The following ARHGEF18 variants were observed in gnomAD, a reference collection of about 807,000 sequenced individuals.
The protein encoded by ARHGEF18 is rho guanine nucleotide exchange factor 18.
ARHGEF18 carries 93 observed loss-of-function variants against 155.7 expected under a neutral mutation model. The ratio of observed to expected loss-of-function variants is 0.60; its 90% CI spans 0.50 to 0.71. ARHGEF18 has a LOEUF of 0.71. ARHGEF18 is among the 30% of genes least tolerant of loss of function. The pLI, the probability that ARHGEF18 is intolerant of heterozygous loss-of-function variation, is 0.00. For missense variants in ARHGEF18, 1,593 were observed against 1,816.1 expected, an observed-to-expected ratio of 0.88 and a Z score of 2.23; for synonymous variants, 742 against 753.1, an observed-to-expected ratio of 0.99 and a Z score of 0.24.
At chr19:7,377,521 C>T (rs2145422953) in intron 5 of ARHGEF18, among the ~76,000 whole-genome samples, 1 of 152,230 alleles carries the variant, frequency 6.6e-6, no homozygotes, top group African/African-American at 2.4e-5. Flanking sequence ...CAGCAGCTCA[C>T]ACCTGGAATC....
At chr19:7,427,700 C>A (rs1973742244) in intron 10 of ARHGEF18, among the ~76,000 whole-genome samples, 1 of 150,428 alleles carries the variant, frequency 6.6e-6, no homozygotes, top group African/African-American at 2.4e-5. Context: ...AACCCCAGCA[C>A]TTTGGGAGGC....
At chr19:7,375,288 A>AAG (rs1970388086) in intron 3 of ARHGEF18, among the ~76,000 whole-genome samples, 1 of 98,970 alleles carries the variant, frequency 1.0e-5, no homozygotes, top group Non-Finnish European at 2.5e-5. Context: ...AAAAAAAGAA[A>AAG]GAAAAGAAAG....
At chr19:7,357,462 G>A (rs975973408) in intron 1 of ARHGEF18, among the ~76,000 whole-genome samples, 1 of 152,184 alleles carries the variant, frequency 6.6e-6, no homozygotes, top group African/African-American at 2.4e-5. Flanking sequence ...TATGGCTGAT[G>A]CTGTGGGGGC....
chr19:7,414,680 G>A (rs11879276), intron 10 of ARHGEF18, among the ~76,000 whole-genome samples: 83,913 of 151,656 alleles, frequency 0.55, 23,633 homozygotes, highest in Middle Eastern at 0.75. Context: ...ATGGTGGTGC[G>A]TGCCTGTGAT....
In ARHGEF18 at chr19:7,471,336, G is replaced by A. The variant is rs1412509127; in HGVS notation, c.*1038G>A. 1 of 152,792 alleles carries A rather than the reference G, an allele frequency of 6.5e-6. No individual in the cohort carries two copies. The highest frequency in any genetic ancestry group is 2.4e-5 in the African/African-American group (1 of 41,494). The allele number at this position is 152,792 out of a possible 1,614,324, so 9.5% of individuals were successfully genotyped here. ...TTGTAGTGAGCTGTTGCAGCTTACG[G>A]TCCGTTCCCTGGAGGGGTGGAGGAA... On this transcript the variant is annotated 3_prime_UTR_variant, in exon 29 of 29. Coordinates refer to ENST00000668164, the MANE Select transcript of ARHGEF18 (RefSeq NM_001367823.1). This position sits in a 1 kb window ranked among gnomAD's most constrained non-coding sequence, Gnocchi z 4.4.
At chr19:7,439,361 G>A (rs1022360406) in intron 10 of ARHGEF18, among the ~76,000 whole-genome samples, 4 of 151,858 alleles carry the variant, frequency 2.6e-5, no homozygotes, top group African/African-American at 7.3e-5. Context: ...GACTGAGGCA[G>A]AAGGATTGCT....
At chr19:7,362,017 G>GGAAGA (rs1568264366) in intron 1 of ARHGEF18, among the ~76,000 whole-genome samples, 6 of 51,142 alleles carry the variant, frequency 1.2e-4, no homozygotes, top group Non-Finnish European at 1.5e-4. Flanking sequence ...GAAGAAGAAG[G>GGAAGA]AGAAGGAGAA....
chr19:7,413,593 G>A (rs1422684777), intron 10 of ARHGEF18, among the ~76,000 whole-genome samples: 2 of 114,508 alleles, frequency 1.7e-5, no homozygotes, highest in African/African-American at 5.4e-5. Context: ...GAGCCACTGC[G>A]CCCGGCAAAA....
intron 5 of ARHGEF18, 139 bp downstream of exon 5, chr19:7,376,896 G>A (rs1253099225): frequency 3.4e-6 from 2 of 584,012 alleles, no homozygotes; most frequent in South Asian, 9.3e-5. Flanking sequence ...CCCCAGGGAA[G>A]GGAAGGGAGC....
At chr19:7,355,327 C>T (rs759632383) in intron 1 of ARHGEF18, among the ~76,000 whole-genome samples, 1 of 151,964 alleles carries the variant, frequency 6.6e-6, no homozygotes, top group Admixed American at 6.6e-5. Context: ...CCAGGCTCCC[C>T]GAGGGACCCA....
chr19:7,448,973 C>T (rs1474342618), intron 15 of ARHGEF18, among the ~76,000 whole-genome samples: 1 of 152,098 alleles, frequency 6.6e-6, no homozygotes, highest in African/African-American at 2.4e-5. Flanking sequence ...GCATTCTACA[C>T]CCAGTGGTCC....
chr19:7,362,644 C>T (rs1299173988), intron 1 of ARHGEF18, 137 bp from the exon 2 acceptor site: 2 of 747,778 alleles, frequency 2.7e-6, no homozygotes, highest in Non-Finnish European at 3.6e-6. Flanking sequence ...GACCATCTTC[C>T]CCCTCCCCTC....
chr19:7,474,044 A>AG (rs1234985659), downstream of ARHGEF18, among the ~76,000 whole-genome samples: 2 of 151,796 alleles, frequency 1.3e-5, no homozygotes, highest in South Asian at 4.2e-4. Flanking sequence ...AATTTAAAAA[A>AG]AAAAGAAAAA....
intron 1 of ARHGEF18, among the ~76,000 whole-genome samples, chr19:7,353,546 C>T (rs985256625): frequency 3.4e-5 from 5 of 147,696 alleles, no homozygotes; most frequent in African/African-American, 1.0e-4. Context: ...GCCGAGATTG[C>T]GCCATTGCAT....
At chr19:7,369,026 T>G (rs1359246836) in intron 2 of ARHGEF18, among the ~76,000 whole-genome samples, 2 of 152,160 alleles carry the variant, frequency 1.3e-5, no homozygotes, top group African/African-American at 4.8e-5. Context: ...GAGTGAGTCC[T>G]TAGGAAGTTA....
At position 7,375,707 on chromosome 19, in the gene ARHGEF18, T is replaced by G; in HGVS notation, c.276-13T>G. Reference sequence around the variant, plus strand: ...GACCTGCTGAAGCCCCAGTACCCTGTCTTCTCCACTAGGCTCAGCCTCGAT... The same window carrying G: ...GACCTGCTGAAGCCCCAGTACCCTGGCTTCTCCACTAGGCTCAGCCTCGAT... On this transcript the variant is annotated splice_polypyrimidine_tract_variant and intron_variant, in intron 3 of 28. Coordinates refer to ENST00000668164, the MANE Select transcript of ARHGEF18 (RefSeq NM_001367823.1). 8.1e-7 allele frequency: 1 copy of G among 1,234,280 alleles called. No homozygotes were observed. The highest frequency in any genetic ancestry group is 1.0e-6 in the Non-Finnish European group (1 of 988,192). 76.5% of individuals were successfully genotyped at this position (1,234,280 alleles called of 1,614,324 possible).
intron 10 of ARHGEF18, among the ~76,000 whole-genome samples, chr19:7,403,042 C>T (rs939187187): frequency 2.0e-5 from 3 of 152,200 alleles, no homozygotes; most frequent in African/African-American, 7.2e-5. Flanking sequence ...GAGACAGAAT[C>T]TCACTCTGTC....
intron 10 of ARHGEF18, among the ~76,000 whole-genome samples, chr19:7,411,006 C>T (rs577876955): frequency 4.6e-5 from 7 of 152,064 alleles, no homozygotes; most frequent in Non-Finnish European, 7.4e-5. Context: ...ACTCACAAGG[C>T]AGATGCTTTT....
chr19:7,359,251 C>T (rs1373745607), intron 1 of ARHGEF18, among the ~76,000 whole-genome samples: 2 of 152,076 alleles, frequency 1.3e-5, no homozygotes, highest in African/African-American at 4.8e-5. Context: ...AAAGGACACA[C>T]CAACTCCAGG....
Sources: allele counts gnomAD v4.1 joint callset (sites outside exome capture counted in the v4.1 genomes callset), GRCh38; gene constraint gnomAD v4.1.1; non-coding constraint Gnocchi (gnomAD v3.1); transcripts MANE v1.5; gene names NCBI Gene and HGNC (gene_info 2026-07-23, HGNC 2026-07-21).